MAGI1: variants seen among roughly 807,000 people sequenced by gnomAD.
The protein encoded by MAGI1 is membrane associated guanylate kinase, WW and PDZ domain containing 1, also known as membrane-associated guanylate kinase, WW and PDZ domain-containing protein 1.
Under a neutral mutation model 139.9 loss-of-function variants are expected in MAGI1, and 58 were observed. The ratio of observed to expected loss-of-function variants is 0.41; its 90% CI spans 0.34 to 0.52. The LOEUF is 0.52. MAGI1 is among the 20% of genes least tolerant of loss of function. The pLI is 0.12. For synonymous variants in MAGI1, 812 were observed against 737.9 expected, an observed-to-expected ratio of 1.10 and a Z score of -1.63; for missense variants, 1,874 against 1,901.6, an observed-to-expected ratio of 0.99 and a Z score of 0.27.
intron 2 of MAGI1, among the ~76,000 whole-genome samples, chr3:65,498,369 G>T (rs1377162773): frequency 1.3e-5 from 2 of 151,050 alleles, no homozygotes; most frequent in Non-Finnish European, 2.9e-5. Context: ...GCTAGAAATT[G>T]GGCCAACGAT....
intron 12 of MAGI1, among the ~76,000 whole-genome samples, chr3:65,416,198 C>G (rs763697873): frequency 2.6e-5 from 4 of 152,116 alleles, no homozygotes; most frequent in Non-Finnish European, 5.9e-5. Context: ...ATGCCAAGAC[C>G]CCTTTTGCAT....
intron 6 of MAGI1, chr3:65,453,013 T>A (rs1318263791): frequency 2.2e-6 from 1 of 458,174 alleles, no homozygotes; most frequent in Non-Finnish European, 4.0e-6. Flanking sequence ...TTGAACAGTT[T>A]CTGACTGTTC....
intron 2 of MAGI1, among the ~76,000 whole-genome samples, chr3:65,549,680 C>G (rs2107959183): frequency 6.6e-6 from 1 of 152,242 alleles, no homozygotes; most frequent in Admixed American, 6.5e-5. Context: ...CCCCCATCCT[C>G]AGGGCCTTGG....
intron 1 of MAGI1, among the ~76,000 whole-genome samples, chr3:65,967,318 A>C (rs895275068): frequency 1.3e-5 from 2 of 152,232 alleles, no homozygotes; most frequent in Admixed American, 1.3e-4. Context: ...TGTATGTTTA[A>C]AATTTTTCAT....
intron 9 of MAGI1, 81 bp from the exon 10 acceptor site, chr3:65,437,328 A>C (rs1055545234): frequency 1.1e-6 from 1 of 876,656 alleles, no homozygotes. Flanking sequence ...ATTATTAATA[A>C]TACTCAAGGC....
At chr3:65,802,580 T>G (rs2108138799) in intron 1 of MAGI1, among the ~76,000 whole-genome samples, 1 of 152,338 alleles carries the variant, frequency 6.6e-6, no homozygotes, top group South Asian at 2.1e-4. Flanking sequence ...CAGTGGCTCT[T>G]GCAAATTGTT....
At chr3:65,686,423 C>G (rs1245219048) in intron 1 of MAGI1, among the ~76,000 whole-genome samples, 1 of 152,168 alleles carries the variant, frequency 6.6e-6, no homozygotes, top group Non-Finnish European at 1.5e-5. Context: ...TCCTGAGTAG[C>G]TGAGACTGCA....
At chr3:65,951,454 C>T (rs1205268560) in intron 1 of MAGI1, among the ~76,000 whole-genome samples, 3 of 152,152 alleles carry the variant, frequency 2.0e-5, no homozygotes, top group Admixed American at 1.3e-4. Flanking sequence ...GAAACTGTTG[C>T]ATCGAAATGG....
chr3:65,732,920 G>C (rs1162834929), intron 1 of MAGI1, among the ~76,000 whole-genome samples: 1 of 152,212 alleles, frequency 6.6e-6, no homozygotes, highest in Non-Finnish European at 1.5e-5. Context: ...AAATATCAGG[G>C]AATGATGAGG....
chr3:65,956,573 A>G (rs1178705352), intron 1 of MAGI1, among the ~76,000 whole-genome samples: 1 of 152,220 alleles, frequency 6.6e-6, no homozygotes, highest in African/African-American at 2.4e-5. Flanking sequence ...AAAAATTCAA[A>G]GTAGGCATAC....
intron 1 of MAGI1, among the ~76,000 whole-genome samples, chr3:65,733,029 T>C (rs1205609420): frequency 6.6e-6 from 1 of 152,104 alleles, no homozygotes; most frequent in East Asian, 1.9e-4. Flanking sequence ...ATCACTTGTT[T>C]TTTCTGTCAT....
Position 65,378,593 on chromosome 3 carries a change from C to T in MAGI1, c.2995+668G>A, listed in dbSNP as rs574668248. Among the ~76,000 whole-genome samples the T allele has an allele frequency of 9.2e-5, 14 of 152,208 alleles. No individual in the cohort carries two copies. The East Asian group carries it at 2.7e-3, about 29-fold the overall frequency. ...GCAATTAGTGCTATCCTATTCAAGA[C>T]CTTTCGAAAGCCTTGCTTTGGCAAA... On this transcript the variant is annotated intron_variant, in intron 17 of 22. Transcript: ENST00000402939.
intron 1 of MAGI1, among the ~76,000 whole-genome samples, chr3:65,742,599 G>A (rs2035367230): frequency 6.6e-6 from 1 of 152,162 alleles, no homozygotes; most frequent in South Asian, 2.1e-4. Context: ...GTGAGTGAAT[G>A]TGTCTGTGCA....
intron 1 of MAGI1, among the ~76,000 whole-genome samples, chr3:65,627,079 G>C (rs1344933257): frequency 6.6e-6 from 1 of 152,132 alleles, no homozygotes; most frequent in African/African-American, 2.4e-5. Flanking sequence ...CTTACCATGG[G>C]TCCAAAATTA....
In MAGI1 at chr3:65,689,998, T is replaced by C. The variant is rs138966795; in HGVS notation, c.314-67910A>G. On this transcript the variant is annotated intron_variant, in intron 1 of 22. Transcript: ENST00000402939. ...CGTGCCCCTTCCCCGGCTCAGCACA[T>C]GTTGTTTCAATGAGGTTGACCCTAC... Among the ~76,000 whole-genome samples, 962 of 152,198 alleles carry C rather than the reference T, an allele frequency of 6.3e-3. 13 individuals are homozygous for C. Among genetic ancestry groups the C allele is most frequent in the African/African-American group, 0.022 (907 of 41,544 alleles).
chr3:65,608,621 A>T (rs1028929875), intron 2 of MAGI1, among the ~76,000 whole-genome samples: 4 of 152,224 alleles, frequency 2.6e-5, no homozygotes, highest in Non-Finnish European at 5.9e-5. Flanking sequence ...CAAAAATTTA[A>T]AAGACTCATA....
intron 1 of MAGI1, among the ~76,000 whole-genome samples, chr3:65,698,452 A>AT (rs1335101647): frequency 6.7e-6 from 1 of 150,230 alleles, no homozygotes; most frequent in Non-Finnish European, 1.5e-5. Context: ...AGCTGGAGGC[A>AT]TCACACTACC....
At chr3:66,020,514 A>T (rs1039651846) in intron 1 of MAGI1, among the ~76,000 whole-genome samples, 2 of 152,162 alleles carry the variant, frequency 1.3e-5, no homozygotes, top group Non-Finnish European at 2.9e-5. Context: ...CATTACAGAT[A>T]TGTAGGTTGT....
chr3:66,012,279 G>C (rs1361291276), intron 1 of MAGI1, among the ~76,000 whole-genome samples: 1 of 151,704 alleles, frequency 6.6e-6, no homozygotes, highest in Non-Finnish European at 1.5e-5. Context: ...TTTTAGCAGA[G>C]GGCAAATAAA....
Sources: allele counts gnomAD v4.1 joint callset (sites outside exome capture counted in the v4.1 genomes callset), GRCh38; gene constraint gnomAD v4.1.1; transcripts MANE v1.5; gene names NCBI Gene and HGNC (gene_info 2026-07-23, HGNC 2026-07-21).